The following KIR3DL2 variants were observed in gnomAD, a reference collection of about 807,000 sequenced individuals.
KIR3DL2 encodes the protein killer cell immunoglobulin-like receptor 3DL2.
KIR3DL2 carries 42 observed loss-of-function variants against 41.6 expected under a neutral mutation model. That is an observed-to-expected ratio of 1.01 (90% confidence interval 0.79 to 1.31). The LOEUF is 1.31. KIR3DL2 is among the 50% of genes most tolerant of loss of function. The probability of loss-of-function intolerance (pLI) is 0.00; values close to 1 mark genes in which losing one functional copy is unlikely to be tolerated. For missense variants in KIR3DL2, 728 were observed against 576.8 expected (o/e 1.26, Z -2.68); for synonymous variants, 230 against 221.3 (o/e 1.04, Z -0.35).
chr19:54,864,332 C>T (rs1487720402), intron 6 of KIR3DL2, among the ~76,000 whole-genome samples: 4 of 152,064 alleles, frequency 2.6e-5, no homozygotes, highest in Admixed American at 6.6e-5. Context: ...ATTGACTTGG[C>T]AATGCAGGCT....
At chr19:54,858,205 T>C (rs2064932528) in intron 5 of KIR3DL2, among the ~76,000 whole-genome samples, 1 of 150,518 alleles carries the variant, frequency 6.6e-6, no homozygotes, top group Non-Finnish European at 1.5e-5. Context: ...TTGAAGGTTT[T>C]AAACAAAATG....
chr19:54,853,972 G>A lies in KIR3DL2; in HGVS notation c.581G>A (p.Arg194Lys). 6.2e-7 allele frequency: 1 copy of A among 1,613,358 alleles called. No individual in the cohort carries two copies. Among genetic ancestry groups the A allele is most frequent in the Non-Finnish European group, 8.5e-7 (1 of 1,179,842 alleles). The change falls in exon 4 of 9, where the codon AGA (arginine) becomes AAA (lysine). Residue 194 changes from arginine to lysine, a missense_variant. Transcript: ENST00000326321. ...PLMPVLAGTY[R>K]CYGSVPHSPY... ...ATGCCTGTCCTTGCAGGAACCTACA[G>A]ATGTTATGGTTCTGTTCCTCACTCC...
At chr19:54,860,592 C>T (rs1368331251) in intron 6 of KIR3DL2, among the ~76,000 whole-genome samples, 1 of 151,966 alleles carries the variant, frequency 6.6e-6, no homozygotes, top group Non-Finnish European at 1.5e-5. Context: ...CCAGGCTGGT[C>T]TCAAATTCCC....
At chr19:54,866,473 C>T in intron 8 of KIR3DL2, 49 bp from the exon 9 acceptor site, 1 of 1,614,000 alleles carries the variant, frequency 6.2e-7, no homozygotes, top group Non-Finnish European at 8.5e-7. Flanking sequence ...CCCTAATAGT[C>T]CTGAAAAATG....
intron 1 of KIR3DL2, among the ~76,000 whole-genome samples, chr19:54,850,816 GGAGTGGAGATATGGGT>G: frequency 7.6e-6 from 1 of 132,278 alleles, no homozygotes; most frequent in East Asian, 2.5e-4. Context: ...ATATGGGCCT[GGAGTGGAGATATGGGT>G]CTGATGTGGA....
intron 6 of KIR3DL2, among the ~76,000 whole-genome samples, chr19:54,864,737 T>C (rs1187320462): frequency 1.3e-5 from 2 of 152,068 alleles, no homozygotes; most frequent in Non-Finnish European, 2.9e-5. Context: ...AAGCTGCTTA[T>C]CAGCTTAAGG....
intron 3 of KIR3DL2, among the ~76,000 whole-genome samples, 197 bp from the exon 4 acceptor site, chr19:54,853,550 G>C (rs1360915375): frequency 3.3e-5 from 5 of 151,636 alleles, no homozygotes; most frequent in African/African-American, 1.2e-4. Flanking sequence ...GGGGCTACTG[G>C]AGACAGAGGG....
chr19:54,864,856 T>C (rs1013305207), intron 6 of KIR3DL2, among the ~76,000 whole-genome samples: 4 of 152,050 alleles, frequency 2.6e-5, no homozygotes, highest in Non-Finnish European at 5.9e-5. Flanking sequence ...TATTTCCTTC[T>C]CCTGCCTAAT....
chr19:54,864,892 A>G (rs2065401237), intron 6 of KIR3DL2, among the ~76,000 whole-genome samples: 1 of 151,988 alleles, frequency 6.6e-6, no homozygotes, highest in South Asian at 2.1e-4. Flanking sequence ...TTCCAACACT[A>G]TGTTGAATAG....
At chr19:54,860,184 AT>A (rs1354643522) in intron 6 of KIR3DL2, among the ~76,000 whole-genome samples, 1 of 151,902 alleles carries the variant, frequency 6.6e-6, no homozygotes, top group Non-Finnish European at 1.5e-5. Flanking sequence ...GGACATGGAC[AT>A]TTTTGGGGTG....
intron 4 of KIR3DL2, 106 bp downstream of exon 4, chr19:54,854,152 A>C: frequency 1.5e-6 from 2 of 1,365,422 alleles, no homozygotes; most frequent in Non-Finnish European, 2.1e-6. Context: ...TGGGATTCTT[A>C]TGGAGAGAGA....
intron 6 of KIR3DL2, among the ~76,000 whole-genome samples, chr19:54,862,015 T>C (rs181326171): frequency 3.0e-4 from 46 of 152,188 alleles, no homozygotes; most frequent in African/African-American, 1.1e-3. Flanking sequence ...AGTTCAGATC[T>C]TGGAATCAGA....
At chr19:54,851,706 T>G (rs375173278) in intron 2 of KIR3DL2, among the ~76,000 whole-genome samples, 2 of 151,640 alleles carry the variant, frequency 1.3e-5, no homozygotes, top group African/African-American at 4.9e-5. Context: ...TGATATTCCA[T>G]TCACATAGGA....
At chr19:54,864,632 G>A (rs1375933746) in intron 6 of KIR3DL2, among the ~76,000 whole-genome samples, 1 of 151,966 alleles carries the variant, frequency 6.6e-6, no homozygotes, top group Non-Finnish European at 1.5e-5. Flanking sequence ...GTGAATGGGA[G>A]TTCACTCATG....
intron 5 of KIR3DL2, among the ~76,000 whole-genome samples, chr19:54,858,333 A>G (rs1252731253): frequency 6.6e-6 from 1 of 151,008 alleles, no homozygotes; most frequent in African/African-American, 2.5e-5. Context: ...TGACAGGTAT[A>G]GATGCAGTTT....
At chr19:54,857,960 G>C (rs1292428991) in intron 5 of KIR3DL2, among the ~76,000 whole-genome samples, 5,427 of 151,716 alleles carry the variant, frequency 0.036, 421 homozygotes, top group African/African-American at 0.12. Flanking sequence ...TGTTTTGTTT[G>C]TGGAGAAATG....
At chr19:54,863,170 G>T (rs1234552797) in intron 6 of KIR3DL2, among the ~76,000 whole-genome samples, 2 of 151,396 alleles carry the variant, frequency 1.3e-5, no homozygotes, top group South Asian at 4.2e-4. Context: ...CCATGTCCCT[G>T]CAAAGGACAT....
At chr19:54,856,435 C>T (rs910728776) in intron 5 of KIR3DL2, among the ~76,000 whole-genome samples, 2 of 151,690 alleles carry the variant, frequency 1.3e-5, no homozygotes, top group Non-Finnish European at 2.9e-5. Context: ...AATCTTGGCG[C>T]TTTGAGAGGC....
chr19:54,855,988 G>C, intron 5 of KIR3DL2, 76 bp downstream of exon 5: 1 of 1,536,522 alleles, frequency 6.5e-7, no homozygotes, highest in South Asian at 1.2e-5. Flanking sequence ...CGATGATGGG[G>C]AGAAGCATGG....
Sources: gnomAD v4.1 joint callset for allele counts (sites outside exome capture counted in the v4.1 genomes callset) on GRCh38, gnomAD v4.1.1 for gene constraint, MANE v1.5 for transcripts, NCBI Gene and HGNC (gene_info 2026-07-23, HGNC 2026-07-21) for gene names.